Variants in WIPI2 observed in about 807,000 individuals in gnomAD.
The protein encoded by WIPI2 is WD repeat domain, phosphoinositide interacting 2.
Under a neutral mutation model 52.3 loss-of-function variants are expected in WIPI2, and 28 were observed. The observed-to-expected ratio is 0.54, with a 90% CI of 0.40 to 0.73. The LOEUF is 0.73. Among genes scored for constraint, WIPI2 ranks in the 30% least tolerant of loss-of-function variants. The probability of loss-of-function intolerance (pLI) is 0.00; values close to 1 mark genes in which losing one functional copy is unlikely to be tolerated. For missense variants in WIPI2, 506 were observed against 602.9 expected, an observed-to-expected ratio of 0.84 and a Z score of 1.68; for synonymous variants, 268 against 245.0, an observed-to-expected ratio of 1.09 and a Z score of -0.88.
chr7:5,190,345 C>G lies in WIPI2; in HGVS notation c.-75C>G. ...CGAGGCGGCGAGCGGGGCCCGGCGC[C>G]GACCCTGAGTGCAGCCTGACCCGCC... On this transcript the variant is annotated 5_prime_UTR_variant, in exon 1 of 13. Transcript: ENST00000288828. The G allele has an allele frequency of 9.2e-7, 1 of 1,082,184 alleles. No homozygotes were observed. The highest frequency in any genetic ancestry group is 3.5e-4 in the Middle Eastern group (1 of 2,872). The allele number at this position is 1,082,184 out of a possible 1,614,324, so 67.0% of individuals were successfully genotyped here.
chr7:5,217,900 T>G (rs372896711), intron 6 of WIPI2, 22 bp from the exon 7 acceptor site: 1 of 1,613,830 alleles, frequency 6.2e-7, no homozygotes, highest in Admixed American at 1.7e-5. Flanking sequence ...GTGGCCACTC[T>G]TTATTGGTGT....
In WIPI2 at chr7:5,229,717, C is replaced by A. The variant is rs562963235; in HGVS notation, c.1231C>A (p.Pro411Thr). 93 of 1,613,966 alleles carry A rather than the reference C, an allele frequency of 5.8e-5. No homozygotes were observed. In the South Asian group the frequency reaches 9.4e-4, roughly 16 times the overall value. ...AGCTGCAGGAAAAGGTACTTACGTG[C>A]CTTCATCCCCAACGAGACTTGGTAA... ...GAAAGKGTYV[P>T]SSPTRLAYTD... The change falls in exon 12 of 13, where the codon CCT becomes ACT. Residue 411 changes from proline (P) to threonine (T), a missense_variant. Physicochemically the swap from Pro to Thr is conservative, Grantham distance 38 (BLOSUM62 -1). Coordinates refer to ENST00000288828, the MANE Select transcript of WIPI2 (RefSeq NM_015610.4).
chr7:5,224,832 A>G (rs571454350), intron 8 of WIPI2, among the ~76,000 whole-genome samples: 5 of 152,206 alleles, frequency 3.3e-5, no homozygotes, highest in Admixed American at 1.3e-4. Context: ...GATGACAAGC[A>G]AGATGGAGTC....
In WIPI2 at chr7:5,228,415, G is replaced by A. The variant is rs551674085; in HGVS notation, c.1121+204G>A. On this transcript the variant is annotated intron_variant, in intron 11 of 12. Coordinates refer to ENST00000288828, the MANE Select transcript of WIPI2 (RefSeq NM_015610.4). ...CGCAAGACAGGGAGCCCCGGGCTGC[G>A]GCTGGTGGCGTCAGGGCTCCCTCAG... Among the ~76,000 whole-genome samples, 133 of 152,366 alleles carry A rather than the reference G, an allele frequency of 8.7e-4. 2 individuals are homozygous for A. The South Asian group carries it at 0.023, about 27-fold the overall frequency.
chr7:5,209,319 C>A (rs937885200), intron 3 of WIPI2, among the ~76,000 whole-genome samples: 5 of 152,130 alleles, frequency 3.3e-5, no homozygotes, highest in Non-Finnish European at 7.3e-5. Flanking sequence ...CGTGTAAGAC[C>A]TCGAGCACAA....
At chr7:5,225,993 G>A (rs897810374) in intron 9 of WIPI2, 63 bp downstream of exon 9, 40 of 1,492,578 alleles carry the variant, frequency 2.7e-5, no homozygotes, top group African/African-American at 4.1e-5. Flanking sequence ...ACTTGCTGCC[G>A]GGATGAGAGG....
In WIPI2 at chr7:5,227,427, G is replaced by T; in HGVS notation, c.1013+83G>T. The T allele has an allele frequency of 6.5e-7, 1 of 1,538,142 alleles. No homozygotes were observed. Among genetic ancestry groups the T allele is most frequent in the Non-Finnish European group, 8.7e-7 (1 of 1,145,834 alleles). ...GTCCTGGCGGCTTGTGGCCCCTTCC[G>T]TGCTTCTGAACAGGAGCAGCTTCTT... On this transcript the variant is annotated intron_variant, in intron 10 of 12. Transcript: ENST00000288828. This position sits in a 1 kb window ranked among gnomAD's most constrained non-coding sequence, Gnocchi z 8.1.
chr7:5,208,114 G>T (rs1004032353), intron 3 of WIPI2, among the ~76,000 whole-genome samples: 2 of 152,144 alleles, frequency 1.3e-5, no homozygotes, highest in African/African-American at 2.4e-5. Context: ...CAGCCCTTCT[G>T]ATGTGTGTAT....
Position 5,199,617 on chromosome 7 carries a change from C to G in WIPI2, c.170C>G (p.Ser57Cys). 3 of 1,613,256 alleles carry G rather than the reference C, an allele frequency of 1.9e-6. No individual in the cohort carries two copies. Among genetic ancestry groups the G allele is most frequent in the Non-Finnish European group, 2.5e-6 (3 of 1,179,878 alleles). The stretch of plus-strand genomic sequence containing the variant: ...AGTAAGTCCGGTTATAAATTTTTCT[C>G]CCTTTCTTCTGTGGATAAGCTGGAA... ...VGSKSGYKFF[S>C]LSSVDKLEQI... Residue 57 changes from serine (S) to cysteine (C), a missense_variant, in exon 3 of 13, where the codon TCC (serine) becomes TGC (cysteine). Physicochemically the swap from Ser to Cys is moderately radical, Grantham distance 112 (BLOSUM62 -1). Coordinates refer to ENST00000288828, the MANE Select transcript of WIPI2 (RefSeq NM_015610.4).
At chr7:5,195,070 C>G (rs1336670890) in intron 2 of WIPI2, among the ~76,000 whole-genome samples, 1 of 152,124 alleles carries the variant, frequency 6.6e-6, no homozygotes, top group Non-Finnish European at 1.5e-5. Flanking sequence ...GAGGGTAGAG[C>G]AGGGTCTCTG....
chr7:5,222,955 G>C, intron 8 of WIPI2: 1 of 403,260 alleles, frequency 2.5e-6, no homozygotes, highest in Non-Finnish European at 4.6e-6. Flanking sequence ...GCAGCTCCCA[G>C]CCTGCTGTAA....
chr7:5,222,759 C>T (rs1783207555), intron 8 of WIPI2, 87 bp downstream of exon 8: 2 of 1,288,754 alleles, frequency 1.6e-6, no homozygotes, highest in South Asian at 1.2e-5. Flanking sequence ...AAGTAGAACC[C>T]CCAGGAGAAT....
chr7:5,227,624 A>G lies in WIPI2; in HGVS notation c.1013+280A>G, dbSNP rs1464049015. Among the ~76,000 whole-genome samples, 1 of 152,192 alleles carries G rather than the reference A, an allele frequency of 6.6e-6. No homozygotes were observed. Among genetic ancestry groups the G allele is most frequent in the South Asian group, 2.1e-4 (1 of 4,832 alleles). ...CAAACCTCGTGAGTGTGCCGTAGTT[A>G]ACCCTTTGGGGCCACAGAAACCGCA... On this transcript the variant is annotated intron_variant, in intron 10 of 12. Coordinates refer to ENST00000288828, the MANE Select transcript of WIPI2 (RefSeq NM_015610.4). The surrounding 1 kb of genome is among the most constrained non-coding windows in gnomAD (Gnocchi z 8.1).
intron 5 of WIPI2, 78 bp downstream of exon 5, chr7:5,216,737 T>C: frequency 7.1e-7 from 1 of 1,415,020 alleles, no homozygotes; most frequent in South Asian, 1.2e-5. Flanking sequence ...GAGAGATTTT[T>C]TCTTTTTATA....
In WIPI2 at chr7:5,230,787, G is replaced by C. The variant is rs766621956; in HGVS notation, c.1253-48G>C. On this transcript the variant is annotated intron_variant, in intron 12 of 12. Transcript: ENST00000288828. The surrounding 1 kb of genome is among the most constrained non-coding windows in gnomAD (Gnocchi z 4.8). ...GTCCTCAGTGTGTGTCATGGGGTCT[G>C]TGGTGTGTCCCCAGCCTTTGAAGGG... 3.4e-6 allele frequency: 5 copies of C among 1,474,748 alleles called. No individual in the cohort carries two copies. In the South Asian group the frequency reaches 5.9e-5, roughly 17 times the overall value. 91.4% of individuals were successfully genotyped at this position (1,474,748 alleles called of 1,614,324 possible).
At chr7:5,207,121 A>G (rs1280087899) in intron 3 of WIPI2, among the ~76,000 whole-genome samples, 1 of 152,162 alleles carries the variant, frequency 6.6e-6, no homozygotes, top group Non-Finnish European at 1.5e-5. Flanking sequence ...AGGCATCAGT[A>G]CATTTCTCCT....
rs1356698109 is a variant in WIPI2 at position 5,230,453 on chromosome 7, C to T, written c.1253-382C>T. On this transcript the variant is annotated intron_variant, in intron 12 of 12. Transcript: ENST00000288828. This position sits in a 1 kb window ranked among gnomAD's most constrained non-coding sequence, Gnocchi z 4.8. The stretch of plus-strand genomic sequence containing the variant: ...GCACCCACGCAGGGCTGTGCCTGCT[C>T]GCTGCCACTCCCATCTGTGAACCGG... Among the ~76,000 whole-genome samples the T allele has an allele frequency of 2.0e-5, 3 of 152,218 alleles. No homozygotes were observed. The highest frequency in any genetic ancestry group is 2.9e-5 in the Non-Finnish European group (2 of 68,044).
intron 7 of WIPI2, 150 bp from the exon 8 acceptor site, chr7:5,222,452 G>T: frequency 1.3e-6 from 1 of 762,120 alleles, no homozygotes; most frequent in Admixed American, 2.2e-5. Flanking sequence ...GATGTTCAAG[G>T]GGGGCCCTGG....
intron 3 of WIPI2, among the ~76,000 whole-genome samples, chr7:5,209,977 G>A (rs553456333): frequency 2.6e-5 from 4 of 151,840 alleles, no homozygotes; most frequent in South Asian, 2.1e-4. Context: ...GTGCCATCTC[G>A]GCTGGCTGCA....
Sources: allele counts gnomAD v4.1 joint callset (sites outside exome capture counted in the v4.1 genomes callset), GRCh38; gene constraint gnomAD v4.1.1; non-coding constraint Gnocchi (gnomAD v3.1); transcripts MANE v1.5; gene names NCBI Gene and HGNC (gene_info 2026-07-23, HGNC 2026-07-21).